Variants in MAPK10 observed in about 807,000 individuals in gnomAD.
MAPK10 encodes mitogen-activated protein kinase 10.
In MAPK10, 25 loss-of-function variants were observed where a neutral mutation model predicts 59.3. That is an observed-to-expected ratio of 0.42 (90% CI 0.31 to 0.59). The LOEUF (loss-of-function observed/expected upper bound fraction) is 0.59. MAPK10 is among the 20% of genes least tolerant of loss of function. The pLI is 0.15. For synonymous variants in MAPK10, 190 were observed against 200.5 expected (o/e 0.95, Z 0.44); for missense variants, 351 against 568.9 (o/e 0.62, Z 3.90).
chr4:86,577,633 G>A lies in MAPK10; in HGVS notation c.-263+16277C>T, dbSNP rs72868898. On this transcript the variant is annotated intron_variant, in intron 1 of 4. Transcript: ENST00000502302. ...GACATTTAAGCACACAGAAAACCAA[G>A]CAAGCAAACAAAAAAGGACAATTAT... 8.6e-3 allele frequency among the ~76,000 whole-genome samples: 1,307 copies of A among 152,012 alleles called. 16 individuals are homozygous for A. Among genetic ancestry groups the A allele is most frequent in the African/African-American group, 0.029 (1,193 of 41,490 alleles).
chr4:86,112,470 T>C (rs2057649365), intron 4 of MAPK10, among the ~76,000 whole-genome samples: 1 of 152,212 alleles, frequency 6.6e-6, no homozygotes, highest in Admixed American at 6.5e-5. Context: ...TTTCATTATT[T>C]ACCCAGGAGT....
intron 2 of MAPK10, among the ~76,000 whole-genome samples, chr4:86,197,506 CACAG>C (rs2149323220): frequency 6.6e-6 from 1 of 152,218 alleles, no homozygotes; most frequent in South Asian, 2.1e-4. Flanking sequence ...CATCTGCAAA[CACAG>C]ACAATTTGCC....
chr4:86,248,884 G>A (rs950486219), intron 2 of MAPK10, among the ~76,000 whole-genome samples: 13 of 152,252 alleles, frequency 8.5e-5, no homozygotes, highest in Non-Finnish European at 2.9e-5. Flanking sequence ...TATTATAATG[G>A]TGAGAATAAA....
At chr4:86,054,938 A>G (rs1016039914) in intron 11 of MAPK10, among the ~76,000 whole-genome samples, 4 of 152,238 alleles carry the variant, frequency 2.6e-5, no homozygotes, top group African/African-American at 9.6e-5. Flanking sequence ...ACTCCATGTG[A>G]GTAGAACAAA....
chr4:86,372,726 C>T (rs1414584677), intron 1 of MAPK10, among the ~76,000 whole-genome samples: 1 of 152,036 alleles, frequency 6.6e-6, no homozygotes, highest in East Asian at 1.9e-4. Context: ...AGAACAAAGA[C>T]ACAACATACC....
At chr4:86,314,717 A>T (rs1182990804) in intron 2 of MAPK10, among the ~76,000 whole-genome samples, 7 of 152,158 alleles carry the variant, frequency 4.6e-5, no homozygotes, top group Admixed American at 3.3e-4. Context: ...TTGTTTTCTG[A>T]TTACAAAGAG....
chr4:86,084,157 A>G (rs1479302695), intron 9 of MAPK10, among the ~76,000 whole-genome samples: 1 of 152,206 alleles, frequency 6.6e-6, no homozygotes, highest in Non-Finnish European at 1.5e-5. Flanking sequence ...GAGACAAAAA[A>G]GCAGAGGGAA....
chr4:86,024,372 T>C (rs1395001506), intron 13 of MAPK10: 1 of 152,218 alleles, frequency 6.6e-6, no homozygotes, highest in Non-Finnish European at 1.5e-5. Context: ...AGGATCGTGC[T>C]GCAGGCTATG....
chr4:86,501,609 G>A (rs1162485205), intron 1 of MAPK10, among the ~76,000 whole-genome samples: 1 of 151,674 alleles, frequency 6.6e-6, no homozygotes, highest in Non-Finnish European at 1.5e-5. Context: ...CTTATCCAGG[G>A]TATTCTGTTT....
chr4:86,069,422 C>G lies in MAPK10; in HGVS notation c.803-1467G>C, dbSNP rs180943992. On this transcript the variant is annotated intron_variant, in intron 9 of 13. Coordinates refer to ENST00000641462, the MANE Select transcript of MAPK10 (RefSeq NM_138982.4). ...GTAGTAATAATTAAACAAGAACATG[C>G]TTTGATAGAAGCTCATCTAATTATC... Among the ~76,000 whole-genome samples the G allele has an allele frequency of 1.9e-3, 296 of 152,066 alleles. 3 individuals carry two copies. The highest frequency in any genetic ancestry group is 0.014 in the Admixed American group (218 of 15,268).
intron 1 of MAPK10, among the ~76,000 whole-genome samples, chr4:86,459,071 A>G (rs1175252523): frequency 6.6e-6 from 1 of 152,228 alleles, no homozygotes; most frequent in African/African-American, 2.4e-5. Flanking sequence ...CAAGAAAAAA[A>G]ACAAACAAGG....
At chr4:86,360,632 A>C (rs575386872), upstream of MAPK10, among the ~76,000 whole-genome samples, 1 of 152,304 alleles carries the variant, frequency 6.6e-6, no homozygotes, top group South Asian at 2.1e-4. Flanking sequence ...TGTACAAAGA[A>C]AATACTGATT....
intron 2 of MAPK10, among the ~76,000 whole-genome samples, chr4:86,338,228 A>C (rs1305151636): frequency 6.6e-6 from 1 of 152,184 alleles, no homozygotes; most frequent in East Asian, 1.9e-4. Flanking sequence ...GGCTTTGAAC[A>C]TTCCTAAGTA....
chr4:86,329,345 T>C (rs1461061146), intron 2 of MAPK10, among the ~76,000 whole-genome samples: 1 of 152,198 alleles, frequency 6.6e-6, no homozygotes, highest in African/African-American at 2.4e-5. Flanking sequence ...AGTCAGCTGA[T>C]TAATTGGTTT....
intron 2 of MAPK10, among the ~76,000 whole-genome samples, chr4:86,234,854 T>C (rs1320191849): frequency 6.6e-6 from 1 of 152,152 alleles, no homozygotes; most frequent in Non-Finnish European, 1.5e-5. Flanking sequence ...GGGAAATACA[T>C]CTCTTTGTAA....
intron 3 of MAPK10, chr4:86,193,878 T>G (rs1200315381): frequency 6.2e-6 from 1 of 161,748 alleles, no homozygotes; most frequent in African/African-American, 2.4e-5. Flanking sequence ...CCAGGACCCT[T>G]GCGGTGTAGA....
At chr4:86,308,840 A>G (rs1296415780) in intron 2 of MAPK10, 5 of 152,216 alleles carry the variant, frequency 3.3e-5, no homozygotes, top group Admixed American at 1.3e-4. Flanking sequence ...CTGGTATTCA[A>G]TTGAAGTTAT....
At chr4:86,286,890 G>T (rs1384584063) in intron 2 of MAPK10, among the ~76,000 whole-genome samples, 2 of 152,160 alleles carry the variant, frequency 1.3e-5, no homozygotes, top group Non-Finnish European at 2.9e-5. Context: ...GAAGTTTAAG[G>T]CTGAACCAAA....
Position 86,161,973 on chromosome 4 carries a change from C to T in MAPK10, c.67-2506G>A, listed in dbSNP as rs372731413. ...TGTATATTCAAATAAACCAAAGAAG[C>T]TTAACGATTCATGTCACTTATCTCT... On this transcript the variant is annotated intron_variant, in intron 3 of 13. Transcript: ENST00000641462. Among the ~76,000 whole-genome samples the T allele has an allele frequency of 3.3e-5, 5 of 152,060 alleles. No homozygotes were observed. In the East Asian group the frequency reaches 9.7e-4, roughly 29 times the overall value.
Sources: allele counts gnomAD v4.1 joint callset (sites outside exome capture counted in the v4.1 genomes callset), GRCh38; gene constraint gnomAD v4.1.1; transcripts MANE v1.5; gene names NCBI Gene and HGNC (gene_info 2026-07-23, HGNC 2026-07-21).